The following PRP4K variants were observed in gnomAD, a reference collection of about 807,000 sequenced individuals.
PRP4K encodes the protein serine/threonine-protein kinase PRP4 homolog.
At chr6:4,041,804 C>T in the PRP4K span, among the ~76,000 whole-genome samples, 1 of 152,136 alleles carries the variant, frequency 6.6e-6, no homozygotes, top group African/African-American at 2.4e-5. Context: ...GGATGAAAAA[C>T]CCTGATTAAA....
At chr6:4,054,849 G>A in the PRP4K span, among the ~76,000 whole-genome samples, 1 of 152,192 alleles carries the variant, frequency 6.6e-6, no homozygotes, top group Non-Finnish European at 1.5e-5. Context: ...TGCAAAACAT[G>A]TACAATTTAA....
the PRP4K span, among the ~76,000 whole-genome samples, chr6:4,046,219 C>T: frequency 6.6e-6 from 1 of 152,196 alleles, no homozygotes; most frequent in Non-Finnish European, 1.5e-5. Context: ...TTACCAAATT[C>T]CACTCTTTTA....
At chr6:4,024,971 T>G in the PRP4K span, among the ~76,000 whole-genome samples, 3 of 152,208 alleles carry the variant, frequency 2.0e-5, no homozygotes, top group African/African-American at 7.2e-5. Flanking sequence ...AAGACATGGG[T>G]TTTTTAAAAG....
chr6:4,035,977 A>C, the PRP4K span, among the ~76,000 whole-genome samples: 1 of 150,602 alleles, frequency 6.6e-6, no homozygotes. Flanking sequence ...AAAAATAATA[A>C]TAATAATAAA....
the PRP4K span, among the ~76,000 whole-genome samples, chr6:4,045,786 AT>A: frequency 6.6e-6 from 1 of 152,318 alleles, no homozygotes; most frequent in Middle Eastern, 3.4e-3. Context: ...TATAGGCACA[AT>A]TCTCTGTCTT....
chr6:4,027,744 C>G, the PRP4K span, among the ~76,000 whole-genome samples: 1 of 152,158 alleles, frequency 6.6e-6, no homozygotes, highest in East Asian at 1.9e-4. Context: ...GGATCACTTG[C>G]CAAGACCACA....
the PRP4K span, chr6:4,058,704 C>T: frequency 6.3e-7 from 1 of 1,585,734 alleles, no homozygotes; most frequent in Non-Finnish European, 8.6e-7. Flanking sequence ...AGTTCAAAAC[C>T]CAAGTTTTTG....
chr6:4,029,730 G>C, the PRP4K span, among the ~76,000 whole-genome samples: 1 of 151,848 alleles, frequency 6.6e-6, no homozygotes, highest in South Asian at 2.1e-4. Context: ...TTAACAAATT[G>C]GTTTCTTTCT....
chr6:4,035,848 T>C, the PRP4K span, among the ~76,000 whole-genome samples: 1 of 151,968 alleles, frequency 6.6e-6, no homozygotes, highest in African/African-American at 2.4e-5. Flanking sequence ...ATGCCTGTAA[T>C]CCCAGCTACT....
At chr6:4,029,243 A>C in the PRP4K span, among the ~76,000 whole-genome samples, 4 of 151,120 alleles carry the variant, frequency 2.6e-5, no homozygotes, top group African/African-American at 9.7e-5. Context: ...AGTTTGCTAT[A>C]TATAACTGCC....
chr6:4,022,383 A>G, the PRP4K span, among the ~76,000 whole-genome samples: 1 of 150,830 alleles, frequency 6.6e-6, no homozygotes, highest in Admixed American at 6.6e-5. Flanking sequence ...GTTCATGTCT[A>G]TGTTAGGAAA....
the PRP4K span, among the ~76,000 whole-genome samples, chr6:4,022,588 A>T: frequency 5.3e-5 from 8 of 152,140 alleles, no homozygotes; most frequent in Admixed American, 3.3e-4. Context: ...CCACCAGACA[A>T]CCTGACACTT....
the PRP4K span, among the ~76,000 whole-genome samples, chr6:4,046,412 A>G: frequency 6.6e-6 from 1 of 152,136 alleles, no homozygotes; most frequent in Admixed American, 6.6e-5. Context: ...ATATGGTTAA[A>G]GCGACTGGAT....
the PRP4K span, chr6:4,058,976 TGG>T: frequency 3.7e-6 from 2 of 535,588 alleles, no homozygotes; most frequent in Non-Finnish European, 6.6e-6. Flanking sequence ...ATGGAAAAGA[TGG>T]AGGGATTTTA....
the PRP4K span, among the ~76,000 whole-genome samples, chr6:4,046,639 A>C: frequency 1.3e-5 from 2 of 151,878 alleles, no homozygotes; most frequent in African/African-American, 2.4e-5. Context: ...GAATAGTAAA[A>C]GTTAACATTG....
the PRP4K span, among the ~76,000 whole-genome samples, chr6:4,043,613 A>C: frequency 0.6 from 91,202 of 151,962 alleles, 28,938 homozygotes; most frequent in East Asian, 0.77. Flanking sequence ...GCACTGAAGA[A>C]AGAAAAACTT....
chr6:4,051,126 T>A, the PRP4K span, among the ~76,000 whole-genome samples: 1 of 151,898 alleles, frequency 6.6e-6, no homozygotes, highest in African/African-American at 2.4e-5. Context: ...GCCAGGCTGG[T>A]CTTGAACTCC....
At chr6:4,032,527 A>T in the PRP4K span, 1 of 1,613,856 alleles carries the variant, frequency 6.2e-7, no homozygotes, top group South Asian at 1.1e-5. Flanking sequence ...TCATCTGGGA[A>T]AGAAAATAGG....
At chr6:4,040,401 G>T in the PRP4K span, among the ~76,000 whole-genome samples, 89 of 152,242 alleles carry the variant, frequency 5.8e-4, 1 homozygote, top group African/African-American at 1.9e-3. Context: ...TCACTCCAGT[G>T]CCTGTGTATA....
Sources: allele counts gnomAD v4.1 joint callset (sites outside exome capture counted in the v4.1 genomes callset), GRCh38; gene constraint gnomAD v4.1.1; transcripts MANE v1.5; gene names NCBI Gene and HGNC (gene_info 2026-07-23, HGNC 2026-07-21).